ITPRID2: variants seen among roughly 807,000 people sequenced by gnomAD.
ITPRID2 encodes the protein protein ITPRID2.
ITPRID2 carries 60 observed loss-of-function variants against 124.3 expected under a neutral mutation model. The ratio of observed to expected loss-of-function variants is 0.48; its 90% CI spans 0.39 to 0.60. The LOEUF (loss-of-function observed/expected upper bound fraction) is 0.60. ITPRID2 is among the 20% of genes least tolerant of loss of function. The pLI is 0.00. For missense variants in ITPRID2, 1,553 were observed against 1,512.2 expected (o/e 1.03, Z -0.45); for synonymous variants, 521 against 542.9 (o/e 0.96, Z 0.56).
At chr2:181,901,050 A>G in intron 7 of ITPRID2, 146 bp downstream of exon 7, 1 of 670,008 alleles carries the variant, frequency 1.5e-6, no homozygotes, top group Admixed American at 3.5e-5. Flanking sequence ...ACATGTTAAA[A>G]TTAAGCTATT....
At position 181,892,001 on chromosome 2, in the gene ITPRID2, GGGGTCCCTGCCGCCGCCTTGTCTCGCGCA is replaced by G; in HGVS notation, c.-59_-31del. 1 of 1,498,012 alleles carries G rather than the reference GGGGTCCCTGCCGCCGCCTTGTCTCGCGCA, an allele frequency of 6.7e-7. No homozygotes were observed. 92.8% of individuals were successfully genotyped at this position (1,498,012 alleles called of 1,614,324 possible). The stretch of plus-strand genomic sequence containing the variant: ...CGGCCGGGCGCTGACAGCAAGGGCG[GGGGTCCCTGCCGCCGCCTTGTCTCGCGCA>G]GGGTCCGGCTGGGGTAGCGGAGCCC... On this transcript the variant is annotated 5_prime_UTR_variant, in exon 1 of 18. Coordinates refer to ENST00000431877, the MANE Select transcript of ITPRID2 (RefSeq NM_001130445.3). The surrounding 1 kb of genome is among the most constrained non-coding windows in gnomAD (Gnocchi z 5.2).
Position 181,910,016 on chromosome 2 carries a change from T to A in ITPRID2, c.1486+45T>A. ...CTAGTTCTGAGCACATTATCAAATA[T>A]TAGTTGATTTGGAAAAGGGGTTTTA... On this transcript the variant is annotated intron_variant, in intron 9 of 17. Transcript: ENST00000431877. This position sits in a 1 kb window ranked among gnomAD's most constrained non-coding sequence, Gnocchi z 4.1. 4 of 1,459,778 alleles carry A rather than the reference T, an allele frequency of 2.7e-6. No individual in the cohort carries two copies. The highest frequency in any genetic ancestry group is 3.8e-6 in the Non-Finnish European group (4 of 1,045,364). The allele number at this position is 1,459,778 out of a possible 1,614,324, so 90.4% of individuals were successfully genotyped here.
At chr2:181,918,512 C>A in intron 11 of ITPRID2, 86 bp from the exon 12 acceptor site, 2 of 1,561,396 alleles carry the variant, frequency 1.3e-6, no homozygotes, top group South Asian at 2.5e-5. Flanking sequence ...AATATATAGG[C>A]CCCAAATTCT....
At chr2:181,909,737 C>G (rs1466385745) in intron 8 of ITPRID2, among the ~76,000 whole-genome samples, 162 bp from the exon 9 acceptor site, 1 of 152,066 alleles carries the variant, frequency 6.6e-6, no homozygotes, top group Non-Finnish European at 1.5e-5. Context: ...AGTTGTGGAG[C>G]ATTCTAATAA....
chr2:181,892,792 G>A lies in ITPRID2; in HGVS notation c.257+132G>A, dbSNP rs1403830984. 4.0e-6 allele frequency: 4 copies of A among 1,004,694 alleles called. No individual in the cohort carries two copies. The highest frequency in any genetic ancestry group is 4.1e-5 in the Admixed American group (2 of 48,510). 62.2% of individuals were successfully genotyped at this position (1,004,694 alleles called of 1,614,324 possible). On this transcript the variant is annotated intron_variant, in intron 2 of 17. Transcript: ENST00000431877. The surrounding 1 kb of genome is among the most constrained non-coding windows in gnomAD (Gnocchi z 5.2). Reference sequence around the variant, plus strand: ...GCTACAAACCGGAAAGTGAGCCGGCGGATAGCTTCCTCCTCTAAGCGATTA... The same window carrying A: ...GCTACAAACCGGAAAGTGAGCCGGCAGATAGCTTCCTCCTCTAAGCGATTA...
chr2:181,903,479 A>G (rs1410662675), intron 8 of ITPRID2, among the ~76,000 whole-genome samples: 1 of 152,162 alleles, frequency 6.6e-6, no homozygotes, highest in African/African-American at 2.4e-5. Context: ...TTCAGCTCAT[A>G]AATGTCCTCT....
At chr2:181,906,646 G>A (rs181996925) in intron 8 of ITPRID2, among the ~76,000 whole-genome samples, 257 of 152,146 alleles carry the variant, frequency 1.7e-3, no homozygotes, top group Non-Finnish European at 2.8e-3. Flanking sequence ...GGCTGAGGTG[G>A]GAGAATCACT....
At position 181,918,897 on chromosome 2, in the gene ITPRID2, T is replaced by C. The variant is rs1346306512; in HGVS notation, c.2993+15T>C. ...GAGGAGGAGAGGTAAAAGTTCATTTTGTCTTAGCACACCTCAAAAAGCTTT... is the reference window on the plus strand; with the variant it reads ...GAGGAGGAGAGGTAAAAGTTCATTTCGTCTTAGCACACCTCAAAAAGCTTT... On this transcript the variant is annotated intron_variant, in intron 13 of 17. Coordinates refer to ENST00000431877, the MANE Select transcript of ITPRID2 (RefSeq NM_001130445.3). The C allele has an allele frequency of 3.1e-6, 5 of 1,612,482 alleles. No homozygotes were observed. The highest frequency in any genetic ancestry group is 2.2e-5 in the East Asian group (1 of 44,878).
Position 181,913,917 on chromosome 2 carries a change from C to A in ITPRID2, c.1559C>A (p.Ser520Tyr). ...GCTGAAGATTCTACAGACTGCCTATCCCTTAATCATCTTCAGGTAAAATTT... is the reference window on the plus strand; with the variant it reads ...GCTGAAGATTCTACAGACTGCCTATACCTTAATCATCTTCAGGTAAAATTT... ...GFAEDSTDCL[S>Y]LNHLQVQESL... Residue 520 changes from serine (S) to tyrosine (Y), a missense_variant, in exon 10 of 18, where the codon TCC (serine) becomes TAC (tyrosine). By Grantham distance (144) the Ser-to-Tyr change is moderately radical. Transcript: ENST00000431877. 1.2e-6 allele frequency: 2 copies of A among 1,612,644 alleles called. No individual in the cohort carries two copies. The highest frequency in any genetic ancestry group is 1.7e-4 in the Middle Eastern group (1 of 6,040).
Position 181,922,190 on chromosome 2 carries a change from A to G in ITPRID2, c.3453A>G (p.Ala1151=), listed in dbSNP as rs757947881. The change falls in exon 16 of 18, where the codon GCA becomes GCG. Residue 1151 remains alanine (A), a synonymous_variant. Coordinates refer to ENST00000431877, the MANE Select transcript of ITPRID2 (RefSeq NM_001130445.3). ...TGGCAAGGAAGAAAGTGTTCCGAGCATCGGTGGCTCTAACGCCAACAGCTC... is the reference window on the plus strand; with the variant it reads ...TGGCAAGGAAGAAAGTGTTCCGAGCGTCGGTGGCTCTAACGCCAACAGCTC... ...PLVARKKVFR[A]SVALTPTAPS... The G allele has an allele frequency of 5.6e-6, 9 of 1,614,256 alleles. No homozygotes were observed. Among genetic ancestry groups the G allele is most frequent in the Middle Eastern group, 1.6e-4 (1 of 6,062 alleles).
rs926402046 is a variant in ITPRID2 at position 181,907,133 on chromosome 2, G to A, written c.1414-2766G>A. Among the ~76,000 whole-genome samples the A allele has an allele frequency of 1.3e-5, 2 of 152,142 alleles. No homozygotes were observed. The highest frequency in any genetic ancestry group is 4.8e-5 in the African/African-American group (2 of 41,438). On this transcript the variant is annotated intron_variant, in intron 8 of 17. Transcript: ENST00000431877. This position sits in a 1 kb window ranked among gnomAD's most constrained non-coding sequence, Gnocchi z 5.1. ...GGGTTATTTGAGTTAGAACATCCAT[G>A]TATTGCTGTCCTGTGCAATACAATA... is the stretch of plus-strand genomic sequence containing the variant.
At chr2:181,928,963 T>G (rs1002341129) in intron 17 of ITPRID2, among the ~76,000 whole-genome samples, 2 of 152,114 alleles carry the variant, frequency 1.3e-5, no homozygotes, top group Non-Finnish European at 2.9e-5. Context: ...TCCTAATTAT[T>G]TTTATCTTTT....
Position 181,896,923 on chromosome 2 carries a change from A to G in ITPRID2, c.323A>G (p.Asn108Ser), listed in dbSNP as rs769312385. 4 of 1,612,784 alleles carry G rather than the reference A, an allele frequency of 2.5e-6. No homozygotes were observed. The African/African-American group carries it at 4.0e-5, about 16-fold the overall frequency. ...SSTLKGVLVRNGGSFEDDLSL... is the reference protein window; with the variant it reads ...SSTLKGVLVRSGGSFEDDLSL... ...TGTCTTTCAGGTGTGCTTGTGAGAA[A>G]TGGAGGAAGTTTTGAAGATGATTTG... The change falls in exon 4 of 18, where the codon AAT becomes AGT. Residue 108 changes from asparagine to serine, a missense_variant. By Grantham distance (46) the Asn-to-Ser change is conservative. Coordinates refer to ENST00000431877, the MANE Select transcript of ITPRID2 (RefSeq NM_001130445.3). This position sits in a 1 kb window ranked among gnomAD's most constrained non-coding sequence, Gnocchi z 4.3.
chr2:181,896,139 T>G lies in ITPRID2; in HGVS notation c.307+60T>G, dbSNP rs1172769988. On this transcript the variant is annotated intron_variant, in intron 3 of 17. Transcript: ENST00000431877. The surrounding 1 kb of genome is among the most constrained non-coding windows in gnomAD (Gnocchi z 4.3). ...ATGACAGTTCTACTTCTTTGTCCTC[T>G]GGGTAAAAGTGTATATATGACTTAT... The G allele has an allele frequency of 7.1e-7, 1 of 1,407,566 alleles. No homozygotes were observed. The highest frequency in any genetic ancestry group is 1.0e-6 in the Non-Finnish European group (1 of 994,008). The allele number at this position is 1,407,566 out of a possible 1,614,324, so 87.2% of individuals were successfully genotyped here.
At position 181,899,461 on chromosome 2, in the gene ITPRID2, A is replaced by G. The variant is rs147766996; in HGVS notation, c.503+349A>G. 7.1e-3 allele frequency among the ~76,000 whole-genome samples: 1,078 copies of G among 152,310 alleles called. 10 individuals carry two copies. Among genetic ancestry groups the G allele is most frequent in the African/African-American group, 0.025 (1,025 of 41,538 alleles). ...AAGGACTTGAGTTAACTCTGACACA[A>G]AAATCAGAATAAATTTTTCTAAGTT... is the stretch of plus-strand genomic sequence containing the variant. On this transcript the variant is annotated intron_variant, in intron 6 of 17. Transcript: ENST00000431877.
At chr2:181,914,218 T>G (rs752208951) in intron 10 of ITPRID2, among the ~76,000 whole-genome samples, 40 of 152,220 alleles carry the variant, frequency 2.6e-4, no homozygotes, top group Non-Finnish European at 5.0e-4. Context: ...TCTGTTGTTT[T>G]TCTTATTTTT....
In ITPRID2 at chr2:181,896,289, A is replaced by G. The variant is rs898940220; in HGVS notation, c.307+210A>G. On this transcript the variant is annotated intron_variant, in intron 3 of 17. Coordinates refer to ENST00000431877, the MANE Select transcript of ITPRID2 (RefSeq NM_001130445.3). The surrounding 1 kb of genome is among the most constrained non-coding windows in gnomAD (Gnocchi z 4.3). ...TTGCCTAGCCTTTTCACAACGTGAAACTTATATCTTTATTGTCCAGTTAGG... is the reference window on the plus strand; with the variant it reads ...TTGCCTAGCCTTTTCACAACGTGAAGCTTATATCTTTATTGTCCAGTTAGG... Among the ~76,000 whole-genome samples, 3 of 152,042 alleles carry G rather than the reference A, an allele frequency of 2.0e-5. No individual in the cohort carries two copies. Among genetic ancestry groups the G allele is most frequent in the Non-Finnish European group, 4.4e-5 (3 of 67,892 alleles).
At chr2:181,914,199 C>T (rs1016743586) in intron 10 of ITPRID2, among the ~76,000 whole-genome samples, 25 of 152,072 alleles carry the variant, frequency 1.6e-4, no homozygotes, top group Non-Finnish European at 3.5e-4. Flanking sequence ...TGATCATTAA[C>T]CTGTTTTGTC....
At position 181,906,730 on chromosome 2, in the gene ITPRID2, C is replaced by G. The variant is rs147313819; in HGVS notation, c.1414-3169C>G. 2.2e-3 allele frequency among the ~76,000 whole-genome samples: 326 copies of G among 151,594 alleles called. 2 individuals are homozygous for G. In the East Asian group the frequency reaches 0.047, roughly 22 times the overall value. ...CTCCAGCCTGGGCAACAGAACGAGA[C>G]CTTGTTTCAAAAAAATGAAATAAAA... On this transcript the variant is annotated intron_variant, in intron 8 of 17. Coordinates refer to ENST00000431877, the MANE Select transcript of ITPRID2 (RefSeq NM_001130445.3).
Sources: allele counts gnomAD v4.1 joint callset (sites outside exome capture counted in the v4.1 genomes callset), GRCh38; gene constraint gnomAD v4.1.1; non-coding constraint Gnocchi (gnomAD v3.1); transcripts MANE v1.5; gene names NCBI Gene and HGNC (gene_info 2026-07-23, HGNC 2026-07-21).